The following UBE2G2 variants were observed in gnomAD, a reference collection of about 807,000 sequenced individuals.
UBE2G2 encodes ubiquitin conjugating enzyme E2 G2.
In UBE2G2, 10 loss-of-function variants were observed where a neutral mutation model predicts 23.0. That is an observed-to-expected ratio of 0.43 (90% confidence interval 0.27 to 0.74). The LOEUF is 0.74. Among genes scored for constraint, UBE2G2 ranks in the 30% least tolerant of loss-of-function variants. UBE2G2 has a pLI of 0.19. For synonymous variants in UBE2G2, 86 were observed against 81.3 expected (o/e 1.06, Z -0.31); for missense variants, 150 against 218.3 (o/e 0.69, Z 1.97).
At chr21:44,782,389 A>G (rs2082963851) in intron 3 of UBE2G2, among the ~76,000 whole-genome samples, 1 of 152,228 alleles carries the variant, frequency 6.6e-6, no homozygotes, top group Non-Finnish European at 1.5e-5. Context: ...AAACTTATCT[A>G]AAGATTCAAT....
In UBE2G2 at chr21:44,797,740, A is replaced by AAAAAAAAAAG. The variant is rs781868771; in HGVS notation, c.43+3965_43+3966insCTTTTTTTTT. 5.2e-4 allele frequency among the ~76,000 whole-genome samples: 60 copies of AAAAAAAAAAG among 114,380 alleles called. 2 individuals are homozygous for AAAAAAAAAAG. Among genetic ancestry groups the AAAAAAAAAAG allele is most frequent in the Middle Eastern group, 0.01 (2 of 200 alleles). 75.0% of individuals were successfully genotyped at this position (114,380 alleles called of 152,430 possible). On this transcript the variant is annotated intron_variant, in intron 1 of 5. Coordinates refer to ENST00000345496, the MANE Select transcript of UBE2G2 (RefSeq NM_003343.6). ...AAAAAAAAAAAAAAAAAAAAAAAAAAAGAGAAAATACCTGCTCACAGTCTA... is the reference window on the plus strand; with the variant it reads ...AAAAAAAAAAAAAAAAAAAAAAAAAAAAAAAAAAAGAGAGAAAATACCTGCTCACAGTCTA...
chr21:44,788,882 T>A (rs1453075310), intron 1 of UBE2G2, among the ~76,000 whole-genome samples: 1 of 150,452 alleles, frequency 6.6e-6, no homozygotes, highest in African/African-American at 2.4e-5. Context: ...CCTTGCCAAA[T>A]AAATATAAGG....
intron 1 of UBE2G2, among the ~76,000 whole-genome samples, chr21:44,791,136 A>C (rs1052837784): frequency 1.3e-5 from 2 of 152,278 alleles, no homozygotes; most frequent in African/African-American, 4.8e-5. Flanking sequence ...GATGATCTGA[A>C]ATTGGAACTC....
At chr21:44,777,135 G>C (rs1316236589) in intron 4 of UBE2G2, 164 bp downstream of exon 4, 1 of 624,804 alleles carries the variant, frequency 1.6e-6, no homozygotes, top group Non-Finnish European at 2.7e-6. Context: ...TTGAAATCAT[G>C]TGCTTAATAC....
intron 1 of UBE2G2, among the ~76,000 whole-genome samples, chr21:44,799,715 T>C (rs1555964433): frequency 6.6e-6 from 1 of 152,282 alleles, no homozygotes; most frequent in East Asian, 1.9e-4. Flanking sequence ...TCATTCATTG[T>C]GTTCAACAGA....
At chr21:44,777,594 G>A (rs974247090) in intron 3 of UBE2G2, among the ~76,000 whole-genome samples, 177 bp from the exon 4 acceptor site, 2 of 152,172 alleles carry the variant, frequency 1.3e-5, no homozygotes, top group Admixed American at 6.5e-5. Context: ...GATCATCTGA[G>A]GTCAGGAGTT....
At chr21:44,799,078 CT>C (rs1164894070) in intron 1 of UBE2G2, among the ~76,000 whole-genome samples, 1 of 152,114 alleles carries the variant, frequency 6.6e-6, no homozygotes, top group African/African-American at 2.4e-5. Flanking sequence ...TGAAGATAAT[CT>C]TTTTTTCTGA....
intron 1 of UBE2G2, among the ~76,000 whole-genome samples, chr21:44,792,048 T>C (rs56357729): frequency 0.086 from 13,148 of 152,318 alleles, 635 homozygotes; most frequent in South Asian, 0.1. Context: ...CCCTTTGTTT[T>C]GGCCAATTTC....
chr21:44,798,634 A>C (rs2083112291), intron 1 of UBE2G2, among the ~76,000 whole-genome samples: 1 of 152,196 alleles, frequency 6.6e-6, no homozygotes, highest in Non-Finnish European at 1.5e-5. Context: ...CATCTGTTCA[A>C]GTTTGATCAT....
intron 3 of UBE2G2, among the ~76,000 whole-genome samples, chr21:44,787,366 T>C (rs1055898486): frequency 3.9e-5 from 6 of 152,150 alleles, no homozygotes; most frequent in African/African-American, 1.4e-4. Flanking sequence ...TACTAAGCCA[T>C]GTCTTGGGTC....
chr21:44,771,437 A>G lies in UBE2G2; in HGVS notation c.438T>C (p.Asp146=), dbSNP rs1401739124. 3 of 1,613,114 alleles carry G rather than the reference A, an allele frequency of 1.9e-6. No homozygotes were observed. Among genetic ancestry groups the G allele is most frequent in the Non-Finnish European group, 8.5e-7 (1 of 1,180,040 alleles). The change falls in exon 6 of 6, where the codon GAT becomes GAC. Residue 146 remains aspartate (D), a synonymous_variant. Coordinates refer to ENST00000345496, the MANE Select transcript of UBE2G2 (RefSeq NM_003343.6). The surrounding 1 kb of genome is among the most constrained non-coding windows in gnomAD (Gnocchi z 4.6). ...CAATCTTATAGAACTGCTCCCGGTC[A>G]TCGCGCCACATTTTGGACGCATCCA... ...ANVDASKMWR[D]DREQFYKIAK...
rs60739888 is a variant in UBE2G2 at position 44,769,519 on chromosome 21, T to C, written c.*1858A>G. On this transcript the variant is annotated 3_prime_UTR_variant, in exon 6 of 6. Transcript: ENST00000345496. Reference sequence around the variant, plus strand: ...CCTCAGTCTTCAGAGTAGCTGGGACTACAGGCGCCCGCCACCACGCCCGGC... The same window carrying C: ...CCTCAGTCTTCAGAGTAGCTGGGACCACAGGCGCCCGCCACCACGCCCGGC... 1,458 of 152,216 alleles carry C rather than the reference T, an allele frequency of 9.6e-3. 25 individuals carry two copies. Among genetic ancestry groups the C allele is most frequent in the African/African-American group, 0.032 (1,345 of 41,484 alleles). The allele number at this position is 152,216 out of a possible 1,614,324, so 9.4% of individuals were successfully genotyped here.
At chr21:44,780,234 C>G (rs2082945639) in intron 3 of UBE2G2, among the ~76,000 whole-genome samples, 2 of 152,222 alleles carry the variant, frequency 1.3e-5, no homozygotes, top group Non-Finnish European at 2.9e-5. Context: ...TTTCTCTTTT[C>G]TAGAACGCCT....
In UBE2G2 at chr21:44,801,560, C is replaced by G. The variant is rs774544653; in HGVS notation, c.43+146G>C. 6.9e-4 allele frequency: 836 copies of G among 1,208,410 alleles called. 1 individual carries two copies. The highest frequency in any genetic ancestry group is 8.6e-4 in the Non-Finnish European group (803 of 929,312). 74.9% of individuals were successfully genotyped at this position (1,208,410 alleles called of 1,614,324 possible). The stretch of plus-strand genomic sequence containing the variant: ...AGTGGGCAGCGGGCGCAGGGCGCGG[C>G]ACTCCGCGGGACCCACAGGGGGGCT... On this transcript the variant is annotated intron_variant, in intron 1 of 5. Transcript: ENST00000345496.
chr21:44,774,454 A>T lies in UBE2G2; in HGVS notation c.245-767T>A, dbSNP rs1232016980. 1.7e-5 allele frequency: 4 copies of T among 237,412 alleles called. No homozygotes were observed. In the East Asian group the frequency reaches 6.0e-4, roughly 36 times the overall value. 14.7% of individuals were successfully genotyped at this position (237,412 alleles called of 1,614,324 possible). On this transcript the variant is annotated intron_variant, in intron 4 of 5. Transcript: ENST00000345496. ...GACTCAACTGTAAAATTATAAAGCCATTAAAGTTATAATAATAGAAATAGC... is the reference window on the plus strand; with the variant it reads ...GACTCAACTGTAAAATTATAAAGCCTTTAAAGTTATAATAATAGAAATAGC...
chr21:44,780,649 G>C (rs1467879235), intron 3 of UBE2G2, among the ~76,000 whole-genome samples: 4 of 152,166 alleles, frequency 2.6e-5, no homozygotes, highest in African/African-American at 9.7e-5. Flanking sequence ...CTGTCTTGTG[G>C]GTGAATTAGA....
chr21:44,782,879 A>T (rs2082967377), intron 3 of UBE2G2, among the ~76,000 whole-genome samples: 1 of 152,246 alleles, frequency 6.6e-6, no homozygotes, highest in Admixed American at 6.5e-5. Context: ...ACCTTGGGTT[A>T]TATACAACAC....
intron 3 of UBE2G2, among the ~76,000 whole-genome samples, chr21:44,784,829 A>C (rs899526616): frequency 3.3e-5 from 5 of 152,128 alleles, no homozygotes; most frequent in Admixed American, 6.5e-5. Flanking sequence ...TGGTCTGGGG[A>C]GGTGACAGCA....
At chr21:44,792,727 A>G (rs1267602791) in intron 1 of UBE2G2, among the ~76,000 whole-genome samples, 7 of 152,240 alleles carry the variant, frequency 4.6e-5, no homozygotes, top group Non-Finnish European at 8.8e-5. Context: ...AGGCCTACCC[A>G]AGGAAAAATT....
Sources: gnomAD v4.1 joint callset for allele counts (sites outside exome capture counted in the v4.1 genomes callset) on GRCh38, gnomAD v4.1.1 for gene constraint, Gnocchi (gnomAD v3.1) non-coding constraint, MANE v1.5 for transcripts, NCBI Gene and HGNC (gene_info 2026-07-23, HGNC 2026-07-21) for gene names.